Variants in KCNN2 observed in about 807,000 individuals in gnomAD.
KCNN2 encodes the protein small conductance calcium-activated potassium channel protein 2.
In KCNN2, 24 loss-of-function variants were observed where a neutral mutation model predicts 55.5. The observed-to-expected ratio is 0.43, with a 90% CI of 0.31 to 0.61. The LOEUF (loss-of-function observed/expected upper bound fraction) is 0.61, where lower values mean the gene tolerates loss of function less well. Among genes scored for constraint, KCNN2 ranks in the 20% least tolerant of loss-of-function variants. The pLI is 0.08. For synonymous variants in KCNN2, 431 were observed against 336.1 expected (o/e 1.28, Z -3.09); for missense variants, 754 against 853.6 (o/e 0.88, Z 1.45).
rs1580808599 is a variant in KCNN2, at chr5:114,415,304, C to T, written c.1637+10448C>T. 2.6e-5 allele frequency among the ~76,000 whole-genome samples: 4 copies of T among 152,286 alleles called. No homozygotes were observed. The South Asian group carries it at 8.3e-4, about 32-fold the overall frequency. Reference sequence around the variant, plus strand: ...TTGTGCACACAATTCTCTGGATGAACTTGTTTTTCTCCTCTTAGGTAGCCA... The same window carrying T: ...TTGTGCACACAATTCTCTGGATGAATTTGTTTTTCTCCTCTTAGGTAGCCA... On this transcript the variant is annotated intron_variant, in intron 3 of 7. Transcript: ENST00000673685.
At chr5:114,135,281 C>T (rs940613255) in intron 1 of KCNN2, among the ~76,000 whole-genome samples, 2 of 152,162 alleles carry the variant, frequency 1.3e-5, no homozygotes, top group Non-Finnish European at 2.9e-5. Context: ...GAAGCAGTTT[C>T]ACTCTTTATT....
intron 4 of KCNN2, 83 bp downstream of exon 4, chr5:114,463,273 G>A: frequency 9.5e-7 from 1 of 1,049,138 alleles, no homozygotes; most frequent in Non-Finnish European, 1.4e-6. Flanking sequence ...ATAAGTAATT[G>A]TGAGCTACTT....
At chr5:114,245,363 C>A (rs1754729059) in intron 2 of KCNN2, among the ~76,000 whole-genome samples, 3 of 152,174 alleles carry the variant, frequency 2.0e-5, no homozygotes, top group Admixed American at 6.5e-5. Flanking sequence ...CATAACAAAT[C>A]ACCTTGCATT....
In KCNN2 at chr5:114,086,891, T is replaced by C. The variant is rs369473729; in HGVS notation, c.-271+30391T>C. 7.2e-5 allele frequency among the ~76,000 whole-genome samples: 11 copies of C among 152,316 alleles called. No homozygotes were observed. In the East Asian group the frequency reaches 1.9e-3, roughly 27 times the overall value. ...CCACAGTGGCTGAACTAATTTACAT[T>C]CCCACAAACAGTGTATAAGTGTTCC... On this transcript the variant is annotated intron_variant, in intron 1 of 10. Coordinates refer to the KCNN2 transcript ENST00000512097.
chr5:114,117,359 C>T (rs958190987), intron 1 of KCNN2, among the ~76,000 whole-genome samples: 16 of 152,124 alleles, frequency 1.1e-4, no homozygotes, highest in Non-Finnish European at 4.4e-5. Context: ...CTGTGGTAAC[C>T]CTCTGAGTGC....
chr5:114,294,924 G>A (rs1209375617), intron 2 of KCNN2, among the ~76,000 whole-genome samples: 1 of 152,134 alleles, frequency 6.6e-6, no homozygotes, highest in African/African-American at 2.4e-5. Flanking sequence ...TTACCATTAT[G>A]TAATGGCCTT....
rs148555124 is a variant in KCNN2 at position 114,146,696 on chromosome 5, G to GT, written c.-270-74783dup. 9.3e-3 allele frequency among the ~76,000 whole-genome samples: 1,423 copies of GT among 152,246 alleles called. 22 individuals are homozygous for GT. The highest frequency in any genetic ancestry group is 0.033 in the African/African-American group (1,351 of 41,548). ...AATCTCAACACTGATATTGAGAACA[G>GT]TATTGTACAATTTGTTTAGCTTGTT... is the stretch of plus-strand genomic sequence containing the variant. On this transcript the variant is annotated intron_variant, in intron 1 of 10. Coordinates refer to the KCNN2 transcript ENST00000512097.
chr5:114,073,167 G>A (rs574127990), intron 1 of KCNN2, among the ~76,000 whole-genome samples: 47 of 152,268 alleles, frequency 3.1e-4, no homozygotes, highest in Non-Finnish European at 5.9e-4. Flanking sequence ...TTTGTGTCCT[G>A]GGTGACATTG....
chr5:114,429,022 T>C lies in KCNN2; in HGVS notation c.1637+24166T>C, dbSNP rs908715872. On this transcript the variant is annotated intron_variant, in intron 3 of 7. Coordinates refer to ENST00000673685, the MANE Select transcript of KCNN2 (RefSeq NM_021614.4). ...TGGGCAATTATAAATATAACTGTTA[T>C]AGACATTTCATGTGTAGGTTTTTGA... Among the ~76,000 whole-genome samples the C allele has an allele frequency of 7.2e-5, 11 of 152,272 alleles. No homozygotes were observed. The South Asian group carries it at 1.5e-3, about 20-fold the overall frequency.
intron 1 of KCNN2, among the ~76,000 whole-genome samples, chr5:114,197,154 C>T (rs146473699): frequency 1.3e-5 from 2 of 152,120 alleles, no homozygotes; most frequent in African/African-American, 2.4e-5. Context: ...TTCCTTCAGT[C>T]GTTAATACCT....
intron 1 of KCNN2, among the ~76,000 whole-genome samples, chr5:114,191,136 T>C (rs544010204): frequency 3.9e-5 from 6 of 152,310 alleles, no homozygotes; most frequent in African/African-American, 1.4e-4. Flanking sequence ...ATAAATTGTA[T>C]GAATTATTTG....
At chr5:114,075,354 GTA>G (rs572989473) in intron 1 of KCNN2, among the ~76,000 whole-genome samples, 2 of 152,166 alleles carry the variant, frequency 1.3e-5, no homozygotes, top group Non-Finnish European at 2.9e-5. Flanking sequence ...GCATTTCTAT[GTA>G]TAATTTTGGA....
At chr5:114,314,633 G>A (rs1320932629) in intron 2 of KCNN2, among the ~76,000 whole-genome samples, 3 of 151,856 alleles carry the variant, frequency 2.0e-5, no homozygotes, top group Non-Finnish European at 2.9e-5. Context: ...TTTCCTCACT[G>A]AACTAGCAGA....
Position 114,495,941 on chromosome 5 carries a change from G to A in KCNN2, c.2135G>A (p.Ser712Asn), listed in dbSNP as rs745490101. 10 of 1,614,022 alleles carry A rather than the reference G, an allele frequency of 6.2e-6. No individual in the cohort carries two copies. Among genetic ancestry groups the A allele is most frequent in the Non-Finnish European group, 8.5e-6 (10 of 1,179,928 alleles). Residue 712 changes from serine (S) to asparagine (N), a missense_variant, in exon 8 of 8, where the codon AGT (serine) becomes AAT (asparagine). Transcript: ENST00000673685. ...ATGATTTCTGACTTAAACGAAAGGAGTGAAGACTTCGAGAAGAGGATTGTT... is the reference window on the plus strand; with the variant it reads ...ATGATTTCTGACTTAAACGAAAGGAATGAAGACTTCGAGAAGAGGATTGTT... ...YDMISDLNER[S>N]EDFEKRIVTL...
chr5:114,366,535 A>G (rs1757607279), intron 2 of KCNN2, among the ~76,000 whole-genome samples: 1 of 152,182 alleles, frequency 6.6e-6, no homozygotes, highest in South Asian at 2.1e-4. Context: ...AGAAGGGCCA[A>G]ACAAATGTGA....
At chr5:114,075,046 C>G (rs1750657909) in intron 1 of KCNN2, among the ~76,000 whole-genome samples, 1 of 152,186 alleles carries the variant, frequency 6.6e-6, no homozygotes, top group African/African-American at 2.4e-5. Flanking sequence ...ATCCATACCC[C>G]TTAGCACTAT....
intron 1 of KCNN2, among the ~76,000 whole-genome samples, chr5:114,122,904 A>G (rs1054786725): frequency 2.0e-5 from 3 of 152,238 alleles, no homozygotes; most frequent in Non-Finnish European, 4.4e-5. Flanking sequence ...AAGTAGAAGA[A>G]GAACACGCTA....
intron 1 of KCNN2, among the ~76,000 whole-genome samples, chr5:114,211,968 G>A (rs4388203): frequency 0.77 from 115,018 of 150,326 alleles, 44,138 homozygotes; most frequent in East Asian, 0.92. Context: ...TTAAAGTATA[G>A]CAACACTTTA....
rs76514592 is a variant in KCNN2, at chr5:114,496,061, T to G, written c.2255T>G (p.Ile752Ser). 1 of 1,614,036 alleles carries G rather than the reference T, an allele frequency of 6.2e-7. No individual in the cohort carries two copies. Among genetic ancestry groups the G allele is most frequent in the East Asian group, 2.2e-5 (1 of 44,846 alleles). ...ATCAGGCAGCAGCAGAGAGATTTCA[T>G]TGAGGCTCAGATGGAGAGCTACGAC... The part of the protein sequence containing the change: ...QTIRQQQRDF[I>S]EAQMESYDKH... The change falls in exon 8 of 8, where the codon ATT becomes AGT. Residue 752 changes from isoleucine (I) to serine (S), a missense_variant. Coordinates refer to ENST00000673685, the MANE Select transcript of KCNN2 (RefSeq NM_021614.4).
Sources: gnomAD v4.1 joint callset for allele counts (sites outside exome capture counted in the v4.1 genomes callset) on GRCh38, gnomAD v4.1.1 for gene constraint, MANE v1.5 for transcripts, NCBI Gene and HGNC (gene_info 2026-07-23, HGNC 2026-07-21) for gene names.